The following HIBCH variants were observed in gnomAD, a reference collection of about 807,000 sequenced individuals.
The protein encoded by HIBCH is 3-hydroxyisobutyryl-CoA hydrolase.
In HIBCH, 50 loss-of-function variants were observed where a neutral mutation model predicts 58.2. That is an observed-to-expected ratio of 0.86 (90% CI 0.68 to 1.09). HIBCH has a LOEUF of 1.09. HIBCH is among the 50% of genes least tolerant of loss of function. The pLI, the probability that HIBCH is intolerant of heterozygous loss-of-function variation, is 0.00. For missense variants in HIBCH, 450 were observed against 449.7 expected (o/e 1.00, Z -0.01); for synonymous variants, 151 against 146.9 (o/e 1.03, Z -0.20).
chr2:190,302,990 T>G (rs534424251), intron 2 of HIBCH, among the ~76,000 whole-genome samples: 322 of 152,336 alleles, frequency 2.1e-3, no homozygotes, highest in Non-Finnish European at 3.7e-3. Context: ...TTTGCATATA[T>G]ACTAGGTTTA....
intron 1 of HIBCH, among the ~76,000 whole-genome samples, chr2:190,318,589 G>GC (rs1026493453): frequency 6.6e-6 from 1 of 152,170 alleles, no homozygotes; most frequent in Admixed American, 6.5e-5. Context: ...ACAGAGTACT[G>GC]CATCTTGGAA....
At chr2:190,269,482 T>C (rs1575738247) in intron 6 of HIBCH, among the ~76,000 whole-genome samples, 1 of 151,996 alleles carries the variant, frequency 6.6e-6, no homozygotes, top group African/African-American at 2.4e-5. Flanking sequence ...AAGCTCATCA[T>C]AACTGGTCAT....
intron 6 of HIBCH, among the ~76,000 whole-genome samples, chr2:190,283,005 T>TGTAA: frequency 6.6e-6 from 1 of 152,296 alleles, no homozygotes; most frequent in Non-Finnish European, 1.5e-5. Context: ...CTAATTGTAG[T>TGTAA]GTAAGTTGAG....
At chr2:190,263,106 T>TTA (rs1182730522) in intron 6 of HIBCH, among the ~76,000 whole-genome samples, 1 of 138,156 alleles carries the variant, frequency 7.2e-6, no homozygotes, top group Non-Finnish European at 1.6e-5. Flanking sequence ...TGAAATTTGA[T>TTA]TTTACATTTT....
intron 1 of HIBCH, among the ~76,000 whole-genome samples, chr2:190,191,123 A>C (rs1411620567): frequency 6.6e-6 from 1 of 152,154 alleles, no homozygotes; most frequent in Non-Finnish European, 1.5e-5. Flanking sequence ...GCTGTGACAG[A>C]CATTTGCATA....
chr2:190,254,866 CA>C lies in HIBCH; in HGVS notation c.518-2560del, dbSNP rs1686879920. ...GATGAAATCTATAATTTCTGCTGTC[CA>C]ATAAGACAGCCACTAGCCATATGTA... On this transcript the variant is annotated intron_variant, in intron 7 of 13. Coordinates refer to ENST00000359678, the MANE Select transcript of HIBCH (RefSeq NM_014362.4). The surrounding 1 kb of genome is among the most constrained non-coding windows in gnomAD (Gnocchi z 5.0). Among the ~76,000 whole-genome samples, 1 of 152,112 alleles carries C rather than the reference CA, an allele frequency of 6.6e-6. No homozygotes were observed.
intron 11 of HIBCH, among the ~76,000 whole-genome samples, chr2:190,232,034 A>G (rs1285489254): frequency 1.3e-5 from 2 of 152,094 alleles, no homozygotes; most frequent in Non-Finnish European, 2.9e-5. Flanking sequence ...AGTCTACTAA[A>G]AACTACAAAA....
intron 11 of HIBCH, among the ~76,000 whole-genome samples, chr2:190,232,415 C>G (rs1575710071): frequency 1.3e-5 from 2 of 152,180 alleles, no homozygotes; most frequent in South Asian, 4.1e-4. Context: ...AGTGCCTACA[C>G]TACCAGTCCC....
intron 6 of HIBCH, among the ~76,000 whole-genome samples, chr2:190,285,274 C>A (rs142001685): frequency 7.2e-4 from 109 of 152,304 alleles, no homozygotes; most frequent in Non-Finnish European, 1.4e-3. Context: ...AATGGGGTCA[C>A]ATTTATTTTT....
At chr2:190,250,156 C>G in intron 8 of HIBCH, 1 of 315,994 alleles carries the variant, frequency 3.2e-6, no homozygotes. Flanking sequence ...CTGAGCCAAA[C>G]AGGACTTTTT....
rs944462076 is a variant in HIBCH, at chr2:190,217,329, C to T, written c.892-4254G>A. ...TGAAACCCTGTCTCCACTAAAACTA[C>T]AAAAATCAGCTGGGTGTGGTGACAC... On this transcript the variant is annotated intron_variant, in intron 11 of 13. Transcript: ENST00000359678. The surrounding 1 kb of genome is among the most constrained non-coding windows in gnomAD (Gnocchi z 4.6). Among the ~76,000 whole-genome samples, 1 of 152,168 alleles carries T rather than the reference C, an allele frequency of 6.6e-6. No individual in the cohort carries two copies. The highest frequency in any genetic ancestry group is 2.4e-5 in the African/African-American group (1 of 41,448).
At chr2:190,260,108 A>C (rs946592157) in intron 7 of HIBCH, among the ~76,000 whole-genome samples, 4 of 149,856 alleles carry the variant, frequency 2.7e-5, no homozygotes, top group Non-Finnish European at 4.4e-5. Flanking sequence ...AGATTAGAAA[A>C]AGGAAAGGAA....
rs192394817 is a variant in HIBCH at position 190,223,396 on chromosome 2, T to C, written c.892-10321A>G. Among the ~76,000 whole-genome samples the C allele has an allele frequency of 8.4e-3, 1,274 of 152,266 alleles. 17 individuals carry two copies. The highest frequency in any genetic ancestry group is 0.012 in the Non-Finnish European group (793 of 68,014). On this transcript the variant is annotated intron_variant, in intron 11 of 13. Coordinates refer to ENST00000359678, the MANE Select transcript of HIBCH (RefSeq NM_014362.4). ...ACTACATGCATGCCACCATGCCCTATTAAGTAACTCCTTTTTTTCACCACT... is the reference window on the plus strand; with the variant it reads ...ACTACATGCATGCCACCATGCCCTACTAAGTAACTCCTTTTTTTCACCACT...
chr2:190,285,776 C>T (rs1346748919), intron 6 of HIBCH, among the ~76,000 whole-genome samples: 3 of 152,272 alleles, frequency 2.0e-5, no homozygotes, highest in Non-Finnish European at 1.5e-5. Flanking sequence ...CTGTGACCTC[C>T]CCCCGCCTTT....
intron 1 of HIBCH, among the ~76,000 whole-genome samples, chr2:190,319,123 T>C (rs1370738811): frequency 1.3e-5 from 2 of 152,210 alleles, no homozygotes; most frequent in African/African-American, 4.8e-5. Flanking sequence ...AGCCTAAAGA[T>C]GATGGCTACC....
At position 190,306,521 on chromosome 2, in the gene HIBCH, T is replaced by C. The variant is rs1688411022; in HGVS notation, c.78+4233A>G. ...CCCAAATTGCATGACAGTTGTACTG[T>C]CATGCAATATACTGCATATGCAGGC... On this transcript the variant is annotated intron_variant, in intron 2 of 13. Transcript: ENST00000359678. The surrounding 1 kb of genome is among the most constrained non-coding windows in gnomAD (Gnocchi z 4.6). Among the ~76,000 whole-genome samples, 1 of 152,146 alleles carries C rather than the reference T, an allele frequency of 6.6e-6. No homozygotes were observed. Among genetic ancestry groups the C allele is most frequent in the Non-Finnish European group, 1.5e-5 (1 of 68,040 alleles).
chr2:190,314,987 G>A lies in HIBCH; in HGVS notation c.36-4191C>T, dbSNP rs375122139. The stretch of plus-strand genomic sequence containing the variant: ...TTTTGAGCCTGAGTCTCTCTCTGTC[G>A]CCCAGGCTGGAGTGCAGTGGTGCAA... On this transcript the variant is annotated intron_variant, in intron 1 of 13. Coordinates refer to ENST00000359678, the MANE Select transcript of HIBCH (RefSeq NM_014362.4). 4.0e-5 allele frequency among the ~76,000 whole-genome samples: 6 copies of A among 150,876 alleles called. No individual in the cohort carries two copies. In the East Asian group the frequency reaches 7.8e-4, roughly 20 times the overall value.
chr2:190,236,308 G>C lies in HIBCH; in HGVS notation c.891+8579C>G, dbSNP rs925924316. ...TAATTCACAAGTATTTTAATAATAA[G>C]TCACATCATCTGTTATATTGAAACC... On this transcript the variant is annotated intron_variant, in intron 11 of 13. Transcript: ENST00000359678. This position sits in a 1 kb window ranked among gnomAD's most constrained non-coding sequence, Gnocchi z 4.1. 6.6e-6 allele frequency among the ~76,000 whole-genome samples: 1 copy of C among 152,146 alleles called. No homozygotes were observed. The highest frequency in any genetic ancestry group is 1.5e-5 in the Non-Finnish European group (1 of 68,026).
At chr2:190,258,687 T>A (rs1687000982) in intron 7 of HIBCH, among the ~76,000 whole-genome samples, 1 of 152,236 alleles carries the variant, frequency 6.6e-6, no homozygotes, top group African/African-American at 2.4e-5. Context: ...GCCAAAAAAT[T>A]ATTGACCAGA....
Sources: gnomAD v4.1 joint callset for allele counts (sites outside exome capture counted in the v4.1 genomes callset) on GRCh38, gnomAD v4.1.1 for gene constraint, Gnocchi (gnomAD v3.1) non-coding constraint, MANE v1.5 for transcripts, NCBI Gene and HGNC (gene_info 2026-07-23, HGNC 2026-07-21) for gene names.